RPIA: variants seen among roughly 807,000 people sequenced by gnomAD.
RPIA encodes the protein ribose 5-phosphate isomerase A.
A neutral mutation model predicts 37.8 loss-of-function variants in RPIA; 29 were observed. That is an observed-to-expected ratio of 0.77 (90% CI 0.57 to 1.05). The LOEUF (loss-of-function observed/expected upper bound fraction) is 1.05, where lower values mean the gene tolerates loss of function less well. Among genes scored for constraint, RPIA ranks in the 50% least tolerant of loss-of-function variants. The probability of loss-of-function intolerance (pLI) is 0.00; values close to 1 mark genes in which losing one functional copy is unlikely to be tolerated. For missense variants in RPIA, 385 were observed against 413.6 expected, an observed-to-expected ratio of 0.93 and a Z score of 0.60; for synonymous variants, 167 against 157.0, an observed-to-expected ratio of 1.06 and a Z score of -0.48.
intron 3 of RPIA, among the ~76,000 whole-genome samples, chr2:88,711,932 T>G (rs149451577): frequency 1.3e-5 from 2 of 152,314 alleles, no homozygotes; most frequent in African/African-American, 4.8e-5. Flanking sequence ...TTGAGCTCAG[T>G]TCGAGACCAG....
chr2:88,744,897 G>A (rs1399280649), intron 8 of RPIA, among the ~76,000 whole-genome samples: 1 of 152,112 alleles, frequency 6.6e-6, no homozygotes, highest in East Asian at 1.9e-4. Context: ...TATGTGTTAG[G>A]TGAGTCTCTT....
At chr2:88,727,086 T>TGTGTGTGTGTGTGTGCGCGC (rs759848250) in intron 3 of RPIA, among the ~76,000 whole-genome samples, 57 of 140,222 alleles carry the variant, frequency 4.1e-4, no homozygotes, top group African/African-American at 1.8e-3. Context: ...TGTGCGTGCG[T>TGTGTGTGTGTGTGTGCGCGC]GTGTGTGTGT....
At chr2:88,742,592 G>A (rs765028735) in intron 8 of RPIA, among the ~76,000 whole-genome samples, 6 of 152,042 alleles carry the variant, frequency 3.9e-5, no homozygotes, top group Non-Finnish European at 5.9e-5. Flanking sequence ...GAATGATGGC[G>A]GTATTTCGAT....
At chr2:88,728,085 T>A (rs1386354732) in intron 3 of RPIA, among the ~76,000 whole-genome samples, 1 of 152,234 alleles carries the variant, frequency 6.6e-6, no homozygotes, top group African/African-American at 2.4e-5. Flanking sequence ...TTTCATTGTA[T>A]ATATTTCATA....
chr2:88,727,094 T>TGTGCGCGCGCATGTGTGCGC lies in RPIA; in HGVS notation c.403-2179_403-2160dup, dbSNP rs1553421574. On this transcript the variant is annotated intron_variant, in intron 3 of 8. Transcript: ENST00000283646. ...TCTCTTGTGTGCGTGCGTGTGTGTGTGTGCGCGCGCATGTGTGCGCGTGCA... is the reference window on the plus strand; with the variant it reads ...TCTCTTGTGTGCGTGCGTGTGTGTGTGTGCGCGCGCATGTGTGCGCGTGCGCGCGCATGTGTGCGCGTGCA... Among the ~76,000 whole-genome samples the TGTGCGCGCGCATGTGTGCGC allele has an allele frequency of 1.4e-3, 214 of 152,040 alleles. 2 individuals are homozygous for TGTGCGCGCGCATGTGTGCGC. The highest frequency in any genetic ancestry group is 5.0e-3 in the African/African-American group (208 of 41,388).
chr2:88,726,500 T>C (rs760806683), intron 3 of RPIA, among the ~76,000 whole-genome samples: 5 of 152,318 alleles, frequency 3.3e-5, no homozygotes, highest in Middle Eastern at 3.4e-3. Flanking sequence ...TATTCATTTG[T>C]ATAAGAATAG....
intron 6 of RPIA, 48 bp from the exon 7 acceptor site, chr2:88,736,487 T>C: frequency 6.2e-7 from 1 of 1,610,360 alleles, no homozygotes; most frequent in Non-Finnish European, 8.5e-7. Flanking sequence ...TTGCCTGTAC[T>C]GTTGAGCTTA....
Position 88,750,312 on chromosome 2 carries a change from T to A in RPIA, c.*234T>A. 1 of 401,814 alleles carries A rather than the reference T, an allele frequency of 2.5e-6. No homozygotes were observed. Among genetic ancestry groups the A allele is most frequent in the Non-Finnish European group, 4.4e-6 (1 of 225,256 alleles). 24.9% of individuals were successfully genotyped at this position (401,814 alleles called of 1,614,324 possible). On this transcript the variant is annotated 3_prime_UTR_variant, in exon 9 of 9. Coordinates refer to ENST00000283646, the MANE Select transcript of RPIA (RefSeq NM_144563.3). Reference sequence around the variant, plus strand: ...TTTACTATTAAAATATTCAGTTTTTTAAATGAAGTAGAACTTGAGTTCATG... The same window carrying A: ...TTTACTATTAAAATATTCAGTTTTTAAAATGAAGTAGAACTTGAGTTCATG...
At chr2:88,712,582 G>T (rs900255747) in intron 3 of RPIA, among the ~76,000 whole-genome samples, 11 of 152,192 alleles carry the variant, frequency 7.2e-5, no homozygotes, top group Admixed American at 5.2e-4. Flanking sequence ...GGTTTTACTT[G>T]TTTTTTACAG....
intron 3 of RPIA, among the ~76,000 whole-genome samples, chr2:88,711,866 G>A (rs1156541423): frequency 6.6e-6 from 1 of 152,234 alleles, no homozygotes; most frequent in Non-Finnish European, 1.5e-5. Flanking sequence ...TTAGCTGGGA[G>A]TGGTGGCTCA....
Position 88,734,446 on chromosome 2 carries a change from T to G in RPIA, c.463-106T>G, listed in dbSNP as rs1673290775. ...GATTTGCTAAATGGGAGTACTAGAA[T>G]TAGCTAACAGGGCTGCTGAGTATCT... On this transcript the variant is annotated intron_variant, in intron 4 of 8. Coordinates refer to ENST00000283646, the MANE Select transcript of RPIA (RefSeq NM_144563.3). The G allele has an allele frequency of 1.3e-5, 14 of 1,057,702 alleles. No individual in the cohort carries two copies. The South Asian group carries it at 1.8e-4, about 13-fold the overall frequency. 65.5% of individuals were successfully genotyped at this position (1,057,702 alleles called of 1,614,324 possible). A position where few individuals can be genotyped will look rare whatever the true frequency, so the allele number is the denominator to read the frequency against.
intron 1 of RPIA, among the ~76,000 whole-genome samples, chr2:88,696,501 G>A (rs749775336): frequency 1.3e-5 from 2 of 151,466 alleles, no homozygotes; most frequent in Non-Finnish European, 2.9e-5. Context: ...TGTGTGTGTG[G>A]GGGGGCATTG....
At chr2:88,747,209 T>G (rs1433727329) in intron 8 of RPIA, among the ~76,000 whole-genome samples, 1 of 152,044 alleles carries the variant, frequency 6.6e-6, no homozygotes, top group Non-Finnish European at 1.5e-5. Flanking sequence ...TTCTGCGTCA[T>G]ACAGGCTGCC....
At chr2:88,740,154 C>A (rs1206038872) in intron 8 of RPIA, among the ~76,000 whole-genome samples, 1 of 152,130 alleles carries the variant, frequency 6.6e-6, no homozygotes, top group Admixed American at 6.5e-5. Flanking sequence ...AAGGGCTCAC[C>A]AATGTGGCTG....
At chr2:88,720,182 A>G (rs1430062227) in intron 3 of RPIA, among the ~76,000 whole-genome samples, 4 of 152,180 alleles carry the variant, frequency 2.6e-5, no homozygotes, top group Non-Finnish European at 4.4e-5. Flanking sequence ...TAATGTTACA[A>G]GAACTTCAAA....
chr2:88,745,052 G>C (rs556505620), intron 8 of RPIA, among the ~76,000 whole-genome samples: 1 of 152,118 alleles, frequency 6.6e-6, no homozygotes, highest in Non-Finnish European at 1.5e-5. Context: ...TCACCTCTCA[G>C]GTTCAGGCAA....
intron 8 of RPIA, among the ~76,000 whole-genome samples, chr2:88,743,694 T>A (rs1443321766): frequency 6.6e-6 from 1 of 152,190 alleles, no homozygotes; most frequent in Non-Finnish European, 1.5e-5. Flanking sequence ...TTTTTTTAAT[T>A]ACTGTTTCAG....
intron 2 of RPIA, among the ~76,000 whole-genome samples, chr2:88,699,603 T>C (rs1573459906): frequency 6.6e-6 from 1 of 152,334 alleles, no homozygotes; most frequent in East Asian, 1.9e-4. Context: ...ATGTCCCAGC[T>C]GTGTCCCTTA....
intron 3 of RPIA, among the ~76,000 whole-genome samples, chr2:88,705,419 A>G (rs1672885603): frequency 6.6e-6 from 1 of 152,204 alleles, no homozygotes; most frequent in Non-Finnish European, 1.5e-5. Context: ...CACATCTACA[A>G]TCATCTGATC....
Sources: allele counts gnomAD v4.1 joint callset (sites outside exome capture counted in the v4.1 genomes callset), GRCh38; gene constraint gnomAD v4.1.1; transcripts MANE v1.5; gene names NCBI Gene and HGNC (gene_info 2026-07-23, HGNC 2026-07-21).